Variants in GRIK2 observed in about 807,000 individuals in gnomAD.
GRIK2 encodes the protein glutamate receptor ionotropic, kainate 2.
A neutral mutation model predicts 100.3 loss-of-function variants in GRIK2; 32 were observed. The ratio of observed to expected loss-of-function variants is 0.32; its 90% confidence interval spans 0.24 to 0.43. GRIK2 has a LOEUF of 0.43. Ranked by LOEUF, GRIK2 falls within the 20% of genes least tolerant of loss-of-function variation. The pLI, the probability that GRIK2 is intolerant of heterozygous loss-of-function variation, is 1.00. For synonymous variants in GRIK2, 417 were observed against 389.4 expected (o/e 1.07, Z -0.83); for missense variants, 843 against 1,114.9 (o/e 0.76, Z 3.47).
At chr6:101,588,594 A>G (rs905734644) in intron 2 of GRIK2, among the ~76,000 whole-genome samples, 1 of 151,874 alleles carries the variant, frequency 6.6e-6, no homozygotes, top group Non-Finnish European at 1.5e-5. Context: ...GTAGTGCACA[A>G]TGATTGCACC....
At chr6:102,033,444 C>A (rs1472770351) in intron 14 of GRIK2, among the ~76,000 whole-genome samples, 1 of 151,300 alleles carries the variant, frequency 6.6e-6, no homozygotes, top group Non-Finnish European at 1.5e-5. Context: ...GGGGAGTCAT[C>A]ATGCTATTCG....
At chr6:101,794,799 A>G (rs1218033030) in intron 7 of GRIK2, among the ~76,000 whole-genome samples, 1 of 132,238 alleles carries the variant, frequency 7.6e-6, no homozygotes, top group Admixed American at 7.2e-5. Flanking sequence ...TGGATTTTTT[A>G]TTTCTTGTGT....
intron 2 of GRIK2, among the ~76,000 whole-genome samples, chr6:101,424,414 G>A (rs1776587928): frequency 6.7e-6 from 1 of 150,290 alleles, no homozygotes; most frequent in African/African-American, 2.5e-5. Context: ...GTGAGAACAT[G>A]TGGTGTTTGG....
chr6:101,621,917 A>C lies in GRIK2; in HGVS notation c.116-32A>C, dbSNP rs375393207. On this transcript the variant is annotated intron_variant, in intron 2 of 16. Coordinates refer to ENST00000369134, the MANE Select transcript of GRIK2 (RefSeq NM_021956.5). Reference sequence around the variant, plus strand: ...TGTGAAAATTATGTTTATTCTTGTAAAATTTATGATTTTTCTCTTTCTTTT... The same window carrying C: ...TGTGAAAATTATGTTTATTCTTGTACAATTTATGATTTTTCTCTTTCTTTT... 3.9e-4 allele frequency: 585 copies of C among 1,493,892 alleles called. 1 individual carries two copies. The highest frequency in any genetic ancestry group is 3.7e-4 in the Non-Finnish European group (394 of 1,074,758). 92.5% of individuals were successfully genotyped at this position (1,493,892 alleles called of 1,614,324 possible).
chr6:101,973,771 A>G (rs907083216), intron 14 of GRIK2, among the ~76,000 whole-genome samples: 1 of 151,906 alleles, frequency 6.6e-6, no homozygotes. Flanking sequence ...GAACCCTATT[A>G]CCTTCAGATA....
At chr6:101,884,000 G>A (rs969127196) in intron 11 of GRIK2, among the ~76,000 whole-genome samples, 7 of 152,084 alleles carry the variant, frequency 4.6e-5, no homozygotes, top group African/African-American at 1.7e-4. Flanking sequence ...GATTCTAGTT[G>A]GGCAAGAATG....
chr6:101,810,079 A>G (rs889908262), intron 9 of GRIK2, among the ~76,000 whole-genome samples: 1 of 134,424 alleles, frequency 7.4e-6, no homozygotes, highest in African/African-American at 3.2e-5. Context: ...GAATTAACAT[A>G]TATATATGTA....
intron 14 of GRIK2, among the ~76,000 whole-genome samples, chr6:101,958,489 C>T (rs1792088792): frequency 6.6e-6 from 1 of 151,968 alleles, no homozygotes; most frequent in African/African-American, 2.4e-5. Context: ...CATTTGACGT[C>T]CTCTTTTCCA....
At chr6:101,646,806 C>T (rs1418219041) in intron 4 of GRIK2, among the ~76,000 whole-genome samples, 2 of 151,732 alleles carry the variant, frequency 1.3e-5, no homozygotes, top group African/African-American at 2.4e-5. Context: ...AATGTTCATC[C>T]CTCAAACAGG....
At chr6:101,961,502 G>T (rs6899908) in intron 14 of GRIK2, among the ~76,000 whole-genome samples, 7,370 of 152,174 alleles carry the variant, frequency 0.048, 367 homozygotes, top group African/African-American at 0.12. Context: ...GCAGCTGTGG[G>T]TCGGCAGGCA....
At chr6:101,776,170 A>G (rs895583016) in intron 7 of GRIK2, among the ~76,000 whole-genome samples, 2 of 152,182 alleles carry the variant, frequency 1.3e-5, no homozygotes, top group African/African-American at 4.8e-5. Flanking sequence ...TTTAACAGCA[A>G]TGAAGGTGAA....
intron 7 of GRIK2, among the ~76,000 whole-genome samples, chr6:101,797,685 ATTT>A (rs377326754): frequency 3.2e-4 from 37 of 116,650 alleles, no homozygotes; most frequent in Middle Eastern, 4.8e-3. Flanking sequence ...ACCATTATAT[ATTT>A]TTTTTATGTA....
At chr6:101,478,179 C>A (rs1336473941) in intron 2 of GRIK2, among the ~76,000 whole-genome samples, 3 of 151,756 alleles carry the variant, frequency 2.0e-5, no homozygotes, top group Non-Finnish European at 2.9e-5. Context: ...ATGTTTAATC[C>A]TGAATTTTAG....
At chr6:101,963,769 T>C (rs151033873) in intron 14 of GRIK2, among the ~76,000 whole-genome samples, 2 of 152,230 alleles carry the variant, frequency 1.3e-5, no homozygotes, top group East Asian at 3.9e-4. Flanking sequence ...CCATACATCA[T>C]TATATATGCT....
At chr6:101,759,159 C>A (rs1777324853) in intron 7 of GRIK2, among the ~76,000 whole-genome samples, 1 of 152,090 alleles carries the variant, frequency 6.6e-6, no homozygotes, top group African/African-American at 2.4e-5. Flanking sequence ...TGATTGATTC[C>A]ATTGGAGCTT....
At chr6:101,774,685 T>C (rs975827106) in intron 7 of GRIK2, among the ~76,000 whole-genome samples, 3 of 152,188 alleles carry the variant, frequency 2.0e-5, no homozygotes, top group Admixed American at 6.5e-5. Flanking sequence ...CTTACCTGCT[T>C]CACAGCTGTC....
chr6:101,579,224 A>G (rs1324094922), intron 2 of GRIK2, among the ~76,000 whole-genome samples: 12 of 152,142 alleles, frequency 7.9e-5, no homozygotes, highest in East Asian at 1.9e-4. Context: ...GAAATGAAGT[A>G]TATATTCCCA....
At chr6:101,905,071 A>G (rs1286895533) in intron 12 of GRIK2, among the ~76,000 whole-genome samples, 1 of 151,590 alleles carries the variant, frequency 6.6e-6, no homozygotes. Flanking sequence ...ATACAAGTAT[A>G]TAGTACAAAA....
chr6:101,946,408 G>A (rs544073461), intron 14 of GRIK2, among the ~76,000 whole-genome samples: 1 of 152,062 alleles, frequency 6.6e-6, no homozygotes, highest in East Asian at 1.9e-4. Flanking sequence ...GCACATGACT[G>A]TAGTTCCAAC....
Sources: gnomAD v4.1 joint callset for allele counts (sites outside exome capture counted in the v4.1 genomes callset) on GRCh38, gnomAD v4.1.1 for gene constraint, MANE v1.5 for transcripts, NCBI Gene and HGNC (gene_info 2026-07-23, HGNC 2026-07-21) for gene names.